The following ZNF423 variants were observed in gnomAD, a reference collection of about 807,000 sequenced individuals.
The protein encoded by ZNF423 is zinc finger protein 423, also known as Ebf-associated zinc finger protein.
Under a neutral mutation model 95.8 loss-of-function variants are expected in ZNF423, and 12 were observed. That is an observed-to-expected ratio of 0.13 (90% CI 0.08 to 0.20). The LOEUF (loss-of-function observed/expected upper bound fraction) is 0.20, where lower values mean the gene tolerates loss of function less well. Among genes scored for constraint, ZNF423 ranks in the 10% least tolerant of loss-of-function variants. The pLI is 1.00. For missense variants in ZNF423, 1,316 were observed against 1,737.1 expected (o/e 0.76, Z 4.31); for synonymous variants, 749 against 711.9 (o/e 1.05, Z -0.83).
Position 49,490,983 on chromosome 16 carries a change from A to G in ZNF423, c.*292T>C, listed in dbSNP as rs571491314. 4.5e-6 allele frequency: 2 copies of G among 440,488 alleles called. No individual in the cohort carries two copies. The highest frequency in any genetic ancestry group is 9.3e-5 in the South Asian group (2 of 21,520). 27.3% of individuals were successfully genotyped at this position (440,488 alleles called of 1,614,324 possible). On this transcript the variant is annotated 3_prime_UTR_variant, in exon 8 of 8. Coordinates refer to ENST00000563137, the MANE Select transcript of ZNF423 (RefSeq NM_001379286.1). The stretch of plus-strand genomic sequence containing the variant: ...ATAATACATGAAGGAACAAAGGACA[A>G]TAGCCTTAAAAAGCAGGTTTCTCTA...
chr16:49,510,360 G>A (rs1201558787), intron 7 of ZNF423, among the ~76,000 whole-genome samples: 1 of 152,120 alleles, frequency 6.6e-6, no homozygotes, highest in South Asian at 2.1e-4. Flanking sequence ...CTCATTTCTG[G>A]GGGGTGGACG....
chr16:49,536,650 G>C (rs970998706), intron 5 of ZNF423, among the ~76,000 whole-genome samples: 7 of 151,804 alleles, frequency 4.6e-5, no homozygotes, highest in Non-Finnish European at 1.0e-4. Flanking sequence ...TTCCCAGGCT[G>C]GTCTCACACT....
intron 1 of ZNF423, chr16:49,854,711 G>A (rs1463000440): frequency 8.1e-6 from 8 of 985,360 alleles, no homozygotes; most frequent in Non-Finnish European, 9.6e-6. Flanking sequence ...GAGGAGGCCA[G>A]GGGAGGGGCT....
intron 3 of ZNF423, among the ~76,000 whole-genome samples, chr16:49,660,686 G>A (rs566441944): frequency 6.1e-4 from 93 of 152,286 alleles, no homozygotes; most frequent in Non-Finnish European, 9.6e-4. Context: ...TTATTTGAAA[G>A]AGCCTCTTGG....
chr16:49,819,320 T>C (rs1420512813), intron 1 of ZNF423, among the ~76,000 whole-genome samples: 2 of 151,516 alleles, frequency 1.3e-5, no homozygotes, highest in South Asian at 2.1e-4. Flanking sequence ...AAAACCCATA[T>C]GTGGCTAGTG....
intron 2 of ZNF423, among the ~76,000 whole-genome samples, chr16:49,767,527 T>C (rs1419148453): frequency 6.6e-6 from 1 of 152,228 alleles, no homozygotes; most frequent in African/African-American, 2.4e-5. Flanking sequence ...CATGGAGCGC[T>C]GTTCATTGTC....
chr16:49,648,996 C>A (rs544023881), intron 3 of ZNF423, among the ~76,000 whole-genome samples: 2 of 152,284 alleles, frequency 1.3e-5, no homozygotes, highest in Non-Finnish European at 2.9e-5. Context: ...ACAGGAGACT[C>A]ACAAGGTTCT....
intron 3 of ZNF423, among the ~76,000 whole-genome samples, chr16:49,649,016 T>C (rs1314188886): frequency 6.6e-6 from 1 of 152,178 alleles, no homozygotes; most frequent in Non-Finnish European, 1.5e-5. Context: ...TTGAAAAGTT[T>C]ATACTGACAG....
At chr16:49,749,467 C>G (rs1440886555) in intron 2 of ZNF423, among the ~76,000 whole-genome samples, 2 of 152,234 alleles carry the variant, frequency 1.3e-5, no homozygotes, top group East Asian at 3.8e-4. Flanking sequence ...GTCAAAGATA[C>G]AAGCCATACA....
intron 5 of ZNF423, among the ~76,000 whole-genome samples, chr16:49,541,297 T>C (rs1271525858): frequency 6.6e-6 from 1 of 152,226 alleles, no homozygotes; most frequent in Admixed American, 6.5e-5. Flanking sequence ...TCCACAGCCC[T>C]GTGGACCAGA....
At chr16:49,652,986 A>G (rs1466108356) in intron 3 of ZNF423, among the ~76,000 whole-genome samples, 4 of 152,210 alleles carry the variant, frequency 2.6e-5, no homozygotes, top group Non-Finnish European at 5.9e-5. Context: ...CTAAACTCAA[A>G]TTAGAAACAG....
chr16:49,666,828 A>C (rs138563783), intron 3 of ZNF423, among the ~76,000 whole-genome samples: 1 of 152,298 alleles, frequency 6.6e-6, no homozygotes, highest in East Asian at 1.9e-4. Context: ...CTAAATCATT[A>C]GGGCAATGGA....
At chr16:49,671,950 G>C (rs1387107629) in intron 3 of ZNF423, among the ~76,000 whole-genome samples, 2 of 152,140 alleles carry the variant, frequency 1.3e-5, no homozygotes, top group Admixed American at 1.3e-4. Context: ...CTCCCAAAGT[G>C]CTAGGACTAC....
chr16:49,689,920 G>A (rs1376993401), intron 3 of ZNF423, among the ~76,000 whole-genome samples: 2 of 152,164 alleles, frequency 1.3e-5, no homozygotes, highest in Non-Finnish European at 2.9e-5. Flanking sequence ...CCACCAGATA[G>A]CTCAATAGCC....
At chr16:49,743,089 G>A (rs1216135821) in intron 2 of ZNF423, among the ~76,000 whole-genome samples, 1 of 152,062 alleles carries the variant, frequency 6.6e-6, no homozygotes, top group Non-Finnish European at 1.5e-5. Context: ...CCAGGGGCAG[G>A]CCTGAGGACA....
At position 49,730,985 on chromosome 16, in the gene ZNF423, G is replaced by C; in HGVS notation, c.101-14C>G. On this transcript the variant is annotated splice_polypyrimidine_tract_variant and intron_variant, in intron 2 of 7. Transcript: ENST00000563137. Reference sequence around the variant, plus strand: ...CTTCTAGGCCTCCTGCCAACAGGAAGAATACAGTCCATGTCAGCTGATGGG... The same window carrying C: ...CTTCTAGGCCTCCTGCCAACAGGAACAATACAGTCCATGTCAGCTGATGGG... 1 of 1,614,076 alleles carries C rather than the reference G, an allele frequency of 6.2e-7. No individual in the cohort carries two copies. The highest frequency in any genetic ancestry group is 8.5e-7 in the Non-Finnish European group (1 of 1,179,944).
chr16:49,803,900 G>A (rs2034618683), intron 1 of ZNF423, among the ~76,000 whole-genome samples: 1 of 151,456 alleles, frequency 6.6e-6, no homozygotes, highest in Non-Finnish European at 1.5e-5. Flanking sequence ...CAGACTCAGG[G>A]GTGGGGAACC....
intron 5 of ZNF423, among the ~76,000 whole-genome samples, chr16:49,615,723 C>T (rs1423990459): frequency 6.6e-6 from 1 of 152,130 alleles, no homozygotes; most frequent in African/African-American, 2.4e-5. Context: ...CTCCTCTAGG[C>T]ACCAGGAGCA....
intron 7 of ZNF423, among the ~76,000 whole-genome samples, chr16:49,511,538 T>G (rs1967895337): frequency 6.6e-6 from 1 of 152,208 alleles, no homozygotes; most frequent in Non-Finnish European, 1.5e-5. Context: ...GCTACCCACA[T>G]GAAGGGCTTA....
Sources: allele counts gnomAD v4.1 joint callset (sites outside exome capture counted in the v4.1 genomes callset), GRCh38; gene constraint gnomAD v4.1.1; transcripts MANE v1.5; gene names NCBI Gene and HGNC (gene_info 2026-07-23, HGNC 2026-07-21).